Variants in TMTC1 observed in about 807,000 individuals in gnomAD.
The protein encoded by TMTC1 is protein O-mannosyl-transferase TMTC1.
TMTC1 carries 73 observed loss-of-function variants against 104.8 expected under a neutral mutation model. The observed-to-expected ratio is 0.70, with a 90% CI of 0.58 to 0.85. The LOEUF (loss-of-function observed/expected upper bound fraction) is 0.85. Ranked by LOEUF, TMTC1 falls within the 40% of genes least tolerant of loss-of-function variation. TMTC1 has a pLI of 0.00. For synonymous variants in TMTC1, 434 were observed against 428.7 expected (o/e 1.01, Z -0.15); for missense variants, 1,035 against 1,096.1 (o/e 0.94, Z 0.79).
At chr12:29,661,303 A>G (rs1048978629) in intron 5 of TMTC1, 3 of 920,492 alleles carry the variant, frequency 3.3e-6, no homozygotes, top group Non-Finnish European at 3.9e-6. Flanking sequence ...ACAAAATAAG[A>G]GTTTATTTAC....
At chr12:29,558,830 G>A (rs537753685) in intron 9 of TMTC1, among the ~76,000 whole-genome samples, 1 of 152,178 alleles carries the variant, frequency 6.6e-6, no homozygotes, top group South Asian at 2.1e-4. Context: ...GATGCCTTTA[G>A]AAGATATGAG....
At chr12:29,628,306 G>T (rs1414375368) in intron 6 of TMTC1, among the ~76,000 whole-genome samples, 1 of 152,022 alleles carries the variant, frequency 6.6e-6, no homozygotes, top group Non-Finnish European at 1.5e-5. Flanking sequence ...GGAACAACGT[G>T]GTACAACTTC....
rs183641026 is a variant in TMTC1, at chr12:29,617,223, C to T, written c.1129-12924G>A. The stretch of plus-strand genomic sequence containing the variant: ...GTCATGCCTCTGCCTACAAGAGACA[C>T]AAAGTACAAGGAGCAGGCAGATGAC... On this transcript the variant is annotated intron_variant, in intron 6 of 17. Transcript: ENST00000539277. Among the ~76,000 whole-genome samples, 4 of 152,062 alleles carry T rather than the reference C, an allele frequency of 2.6e-5. No homozygotes were observed. The East Asian group carries it at 7.8e-4, about 30-fold the overall frequency.
chr12:29,764,062 T>C (rs1943410218), intron 2 of TMTC1, among the ~76,000 whole-genome samples: 1 of 152,188 alleles, frequency 6.6e-6, no homozygotes, highest in Non-Finnish European at 1.5e-5. Flanking sequence ...TATATGCAAA[T>C]GGCCAGCATG....
chr12:29,751,522 G>A (rs1943089223), intron 5 of TMTC1, 144 bp downstream of exon 5: 8 of 817,736 alleles, frequency 9.8e-6, no homozygotes, highest in Non-Finnish European at 1.6e-5. Flanking sequence ...ATAGGGACAG[G>A]AAGAAGGGGG....
At chr12:29,608,755 C>T (rs1446455851) in intron 6 of TMTC1, among the ~76,000 whole-genome samples, 1 of 152,058 alleles carries the variant, frequency 6.6e-6, no homozygotes, top group Admixed American at 6.6e-5. Context: ...CTGAGAGGGT[C>T]GCTCAGTCAC....
At chr12:29,550,907 C>G (rs1310325084) in intron 10 of TMTC1, among the ~76,000 whole-genome samples, 1 of 117,726 alleles carries the variant, frequency 8.5e-6, no homozygotes, top group Non-Finnish European at 1.7e-5. Flanking sequence ...GCACTCCAGC[C>G]TGGGGGAGAG....
At chr12:29,584,315 G>A (rs929027155) in intron 7 of TMTC1, among the ~76,000 whole-genome samples, 3 of 152,134 alleles carry the variant, frequency 2.0e-5, no homozygotes, top group Non-Finnish European at 4.4e-5. Flanking sequence ...GATACTTTCT[G>A]CCTGCCACTT....
chr12:29,584,425 C>A (rs1266640163), intron 7 of TMTC1, among the ~76,000 whole-genome samples: 1 of 151,576 alleles, frequency 6.6e-6, no homozygotes, highest in African/African-American at 2.4e-5. Context: ...CTTACTTCTT[C>A]TTTTATTCTT....
At chr12:29,674,219 C>G (rs139032013) in intron 5 of TMTC1, among the ~76,000 whole-genome samples, 21 of 152,112 alleles carry the variant, frequency 1.4e-4, no homozygotes, top group African/African-American at 3.9e-4. Context: ...TAGGAGACTA[C>G]GCAGGCCTTT....
chr12:29,622,071 A>G (rs1005918958), intron 6 of TMTC1, among the ~76,000 whole-genome samples: 2 of 152,066 alleles, frequency 1.3e-5, no homozygotes, highest in Non-Finnish European at 2.9e-5. Flanking sequence ...TCAAACCCAT[A>G]CCTATGAGGT....
intron 11 of TMTC1, chr12:29,533,532 G>A (rs1300485505): frequency 1.3e-5 from 2 of 152,178 alleles, no homozygotes; most frequent in African/African-American, 4.8e-5. Flanking sequence ...AGAAAGGTGA[G>A]CTAGAGGATA....
At chr12:29,710,499 GATT>G (rs1941870819) in intron 5 of TMTC1, among the ~76,000 whole-genome samples, 1 of 146,058 alleles carries the variant, frequency 6.8e-6, no homozygotes, top group Non-Finnish European at 1.5e-5. Flanking sequence ...TTTAGAAGAT[GATT>G]TTTAAAGAAG....
intron 6 of TMTC1, among the ~76,000 whole-genome samples, chr12:29,615,341 T>C (rs1385250940): frequency 2.6e-5 from 4 of 152,178 alleles, no homozygotes; most frequent in African/African-American, 4.8e-5. Flanking sequence ...GAGGTGCATG[T>C]AACAATGTCT....
At chr12:29,530,047 G>C (rs1169684289) in intron 11 of TMTC1, 1 of 152,200 alleles carries the variant, frequency 6.6e-6, no homozygotes, top group Non-Finnish European at 1.5e-5. Context: ...TATAATTGCA[G>C]CTTCCTGATA....
chr12:29,720,094 G>A (rs186706780), intron 5 of TMTC1, among the ~76,000 whole-genome samples: 89 of 152,300 alleles, frequency 5.8e-4, no homozygotes, highest in Non-Finnish European at 1.1e-3. Flanking sequence ...TGAATTCTGA[G>A]GTGGCAGAAC....
chr12:29,777,127 G>A (rs983783166), intron 1 of TMTC1, among the ~76,000 whole-genome samples: 7 of 151,630 alleles, frequency 4.6e-5, no homozygotes, highest in African/African-American at 9.7e-5. Context: ...ACAGAGTCTC[G>A]CTCTGTTGCC....
At chr12:29,573,305 G>T (rs1945732661) in intron 8 of TMTC1, among the ~76,000 whole-genome samples, 1 of 152,128 alleles carries the variant, frequency 6.6e-6, no homozygotes, top group Non-Finnish European at 1.5e-5. Context: ...AGTTAATGCA[G>T]GCCCAAGCAG....
At chr12:29,746,495 G>A (rs147366185) in intron 5 of TMTC1, among the ~76,000 whole-genome samples, 4 of 152,244 alleles carry the variant, frequency 2.6e-5, no homozygotes, top group African/African-American at 9.6e-5. Context: ...GAATCATAAC[G>A]TGTGACATAA....
Sources: gnomAD v4.1 joint callset for allele counts (sites outside exome capture counted in the v4.1 genomes callset) on GRCh38, gnomAD v4.1.1 for gene constraint, MANE v1.5 for transcripts, NCBI Gene and HGNC (gene_info 2026-07-23, HGNC 2026-07-21) for gene names.